Variants in SFMBT1 observed in about 807,000 individuals in gnomAD.
SFMBT1 encodes Scm like with four mbt domains 1.
Under a neutral mutation model 108.7 loss-of-function variants are expected in SFMBT1, and 32 were observed. The observed-to-expected ratio is 0.29, with a 90% CI of 0.22 to 0.40. The LOEUF (loss-of-function observed/expected upper bound fraction) is 0.40. SFMBT1 is among the 10% of genes least tolerant of loss of function. The pLI, the probability that SFMBT1 is intolerant of heterozygous loss-of-function variation, is 1.00. For missense variants in SFMBT1, 816 were observed against 1,059.6 expected (o/e 0.77, Z 3.19); for synonymous variants, 348 against 369.5 (o/e 0.94, Z 0.67).
chr3:53,021,780 G>A (rs767712967), intron 1 of SFMBT1, among the ~76,000 whole-genome samples: 7 of 152,064 alleles, frequency 4.6e-5, no homozygotes, highest in South Asian at 2.1e-4. Context: ...AACAGCAACC[G>A]CAGGGAGAAA....
At chr3:52,959,159 C>A (rs1703880505) in intron 2 of SFMBT1, among the ~76,000 whole-genome samples, 1 of 152,074 alleles carries the variant, frequency 6.6e-6, no homozygotes, top group Admixed American at 6.6e-5. Context: ...TCAGGAAAAA[C>A]AGTTAATGTA....
chr3:52,977,953 T>G (rs1325621496), intron 1 of SFMBT1, among the ~76,000 whole-genome samples: 1 of 152,144 alleles, frequency 6.6e-6, no homozygotes, highest in Non-Finnish European at 1.5e-5. Context: ...GGAAAGCTAT[T>G]TATTCATTCT....
chr3:52,941,738 A>C (rs935317584), intron 4 of SFMBT1, among the ~76,000 whole-genome samples: 1 of 151,974 alleles, frequency 6.6e-6, no homozygotes, highest in East Asian at 1.9e-4. Context: ...CTCTACAAAA[A>C]AGTTTAAAAA....
intron 4 of SFMBT1, among the ~76,000 whole-genome samples, chr3:52,941,502 G>A (rs554673602): frequency 8.4e-5 from 12 of 143,254 alleles, no homozygotes; most frequent in Non-Finnish European, 1.2e-4. Flanking sequence ...GCTGAGGGAG[G>A]AGAACTGCTT....
At chr3:52,966,858 T>A (rs1023007610) in intron 2 of SFMBT1, among the ~76,000 whole-genome samples, 2 of 151,276 alleles carry the variant, frequency 1.3e-5, no homozygotes, top group Admixed American at 6.6e-5. Flanking sequence ...AGAGAAAATA[T>A]TTAAGGCAAT....
intron 18 of SFMBT1, 80 bp from the exon 19 acceptor site, chr3:52,907,394 G>T: frequency 6.6e-7 from 1 of 1,526,360 alleles, no homozygotes; most frequent in Non-Finnish European, 8.7e-7. Flanking sequence ...AAATAATAAA[G>T]AAAGAAAAGA....
chr3:52,916,797 T>C (rs1053387679), intron 13 of SFMBT1, among the ~76,000 whole-genome samples: 22 of 152,208 alleles, frequency 1.4e-4, no homozygotes, highest in Admixed American at 8.5e-4. Flanking sequence ...AGCATTGTGA[T>C]ACTACATGTT....
chr3:52,930,472 G>A lies in SFMBT1; in HGVS notation c.796-42C>T, dbSNP rs779036121. On this transcript the variant is annotated intron_variant, in intron 7 of 20. Coordinates refer to ENST00000394752, the MANE Select transcript of SFMBT1 (RefSeq NM_016329.4). ...AAAAGGGGATGAAAACATAGTATCT[G>A]TATCAATCTTACACTCACATGTAGC... The A allele has an allele frequency of 6.3e-6, 7 of 1,103,142 alleles. No homozygotes were observed. In the Admixed American group the frequency reaches 1.0e-4, roughly 16 times the overall value. The allele number at this position is 1,103,142 out of a possible 1,614,324, so 68.3% of individuals were successfully genotyped here.
chr3:53,037,491 T>C (rs1299596910), intron 1 of SFMBT1, among the ~76,000 whole-genome samples: 1 of 152,196 alleles, frequency 6.6e-6, no homozygotes, highest in Non-Finnish European at 1.5e-5. Context: ...TATAACTTGA[T>C]TGAGGACTGG....
chr3:52,969,458 T>C (rs1479474209), intron 1 of SFMBT1, among the ~76,000 whole-genome samples, 200 bp from the exon 2 acceptor site: 1 of 152,186 alleles, frequency 6.6e-6, no homozygotes, highest in African/African-American at 2.4e-5. Flanking sequence ...TGTGCGTCTG[T>C]ATGTGTAGAG....
intron 4 of SFMBT1, among the ~76,000 whole-genome samples, chr3:52,935,932 T>C (rs1443936437): frequency 6.6e-6 from 1 of 152,210 alleles, no homozygotes; most frequent in East Asian, 1.9e-4. Flanking sequence ...ATTTCATTGG[T>C]TACGTCCCTG....
intron 1 of SFMBT1, among the ~76,000 whole-genome samples, chr3:52,982,767 G>T (rs1435818951): frequency 2.2e-5 from 3 of 137,832 alleles, no homozygotes; most frequent in Non-Finnish European, 4.6e-5. Context: ...ATAGATCGTG[G>T]AGAAATTCAA....
At chr3:52,947,388 A>G (rs1703407420) in intron 3 of SFMBT1, among the ~76,000 whole-genome samples, 2 of 152,170 alleles carry the variant, frequency 1.3e-5, no homozygotes, top group South Asian at 4.1e-4. Flanking sequence ...AAGTGCTGGG[A>G]TTACAGGCGT....
intron 3 of SFMBT1, among the ~76,000 whole-genome samples, chr3:52,948,585 T>G (rs774781196): frequency 6.6e-6 from 1 of 151,632 alleles, no homozygotes; most frequent in Non-Finnish European, 1.5e-5. Flanking sequence ...TCATGTATAA[T>G]GGTCTTTATT....
rs1699297948 is a variant in SFMBT1, at chr3:53,021,292, C to T, written c.-131+24524G>A. Among the ~76,000 whole-genome samples, 3 of 152,132 alleles carry T rather than the reference C, an allele frequency of 2.0e-5. No individual in the cohort carries two copies. The South Asian group carries it at 6.2e-4, about 31-fold the overall frequency. ...AATCTGGAGACAATTTTGCTTAAAA[C>T]CTGATGTCAAGGAGTGGAAAAGGTA... is the stretch of plus-strand genomic sequence containing the variant. On this transcript the variant is annotated intron_variant, in intron 1 of 20. Coordinates refer to ENST00000394752, the MANE Select transcript of SFMBT1 (RefSeq NM_016329.4).
chr3:52,928,671 T>C lies in SFMBT1; in HGVS notation c.898-330A>G, dbSNP rs796451653. Among the ~76,000 whole-genome samples the C allele has an allele frequency of 1.7e-3, 233 of 138,004 alleles. 1 individual carries two copies. The highest frequency in any genetic ancestry group is 5.6e-3 in the African/African-American group (213 of 38,180). The allele number at this position is 138,004 out of a possible 152,430, so 90.5% of individuals were successfully genotyped here. A position where few individuals can be genotyped will look rare whatever the true frequency, so the allele number is the denominator to read the frequency against. ...ATATATATACACATATATACATATA[T>C]ACACACACACACATATATATATAGT... On this transcript the variant is annotated intron_variant, in intron 8 of 20. Transcript: ENST00000394752.
intron 18 of SFMBT1, 120 bp from the exon 19 acceptor site, chr3:52,907,434 A>G: frequency 2.0e-6 from 3 of 1,517,614 alleles, no homozygotes; most frequent in Non-Finnish European, 2.6e-6. Flanking sequence ...CTTGGGCCAC[A>G]AAACCATCTT....
At chr3:52,936,025 C>T (rs982463348) in intron 4 of SFMBT1, among the ~76,000 whole-genome samples, 1 of 152,150 alleles carries the variant, frequency 6.6e-6, no homozygotes, top group Non-Finnish European at 1.5e-5. Context: ...TCAGGTTAGA[C>T]TTTGCGGGGT....
chr3:52,995,329 A>G (rs907855260), intron 1 of SFMBT1, among the ~76,000 whole-genome samples: 3 of 150,416 alleles, frequency 2.0e-5, no homozygotes, highest in African/African-American at 7.3e-5. Flanking sequence ...GTAAGAGCCA[A>G]TATTTTTTAA....
Sources: allele counts gnomAD v4.1 joint callset (sites outside exome capture counted in the v4.1 genomes callset), GRCh38; gene constraint gnomAD v4.1.1; transcripts MANE v1.5; gene names NCBI Gene and HGNC (gene_info 2026-07-23, HGNC 2026-07-21).